The following DIS3 variants were observed in gnomAD, a reference collection of about 807,000 sequenced individuals.
DIS3 encodes exosome complex exonuclease RRP44.
Under a neutral mutation model 113.0 loss-of-function variants are expected in DIS3, and 103 were observed. That is an observed-to-expected ratio of 0.91 (90% CI 0.78 to 1.07). DIS3 has a LOEUF of 1.07. DIS3 is among the 50% of genes least tolerant of loss of function. The pLI is 0.00. For synonymous variants in DIS3, 402 were observed against 394.3 expected, an observed-to-expected ratio of 1.02 and a Z score of -0.23; for missense variants, 1,121 against 1,167.1, an observed-to-expected ratio of 0.96 and a Z score of 0.58.
At chr13:72,763,193 CAGGAGGCTGAGGCGGG>C (rs2033667214) in intron 16 of DIS3, among the ~76,000 whole-genome samples, 1 of 152,130 alleles carries the variant, frequency 6.6e-6, no homozygotes, top group South Asian at 2.1e-4. Flanking sequence ...CCCAGCTCCT[CAGGAGGCTGAGGCGGG>C]AGGATGGCTT....
intron 15 of DIS3, among the ~76,000 whole-genome samples, chr13:72,765,546 C>T (rs1450446672): frequency 6.6e-6 from 1 of 152,134 alleles, no homozygotes; most frequent in Non-Finnish European, 1.5e-5. Context: ...ACACAGTTCA[C>T]AATAGGACTG....
At position 72,768,884 on chromosome 13, in the gene DIS3, A is replaced by AACTG. The variant is rs1241199345; in HGVS notation, c.1780_1783dup (p.Leu595SerfsTer5). ...ATTCATGTTTGCTGAATCAATTCTCAACTGAGCTTCAGCATACGTCAGAGA... is the reference window on the plus strand; with the variant it reads ...ATTCATGTTTGCTGAATCAATTCTCAACTGACTGAGCTTCAGCATACGTCAGAGA... On this transcript the variant is annotated frameshift_variant, in exon 14 of 21. Coordinates refer to ENST00000377767, the MANE Select transcript of DIS3 (RefSeq NM_014953.5). LOFTEE classifies it high-confidence loss of function. 1.9e-6 allele frequency: 3 copies of AACTG among 1,602,308 alleles called. No homozygotes were observed. In the Admixed American group the frequency reaches 5.0e-5, roughly 27 times the overall value.
At chr13:72,774,679 T>C (rs939186113) in intron 6 of DIS3, among the ~76,000 whole-genome samples, 5 of 152,090 alleles carry the variant, frequency 3.3e-5, no homozygotes, top group Non-Finnish European at 5.9e-5. Context: ...ATTCCAACTA[T>C]TTATAATATT....
rs1399734309 is a variant in DIS3 at position 72,754,996 on chromosome 13, T to A, written c.*4799A>T. 4 of 596,230 alleles carry A rather than the reference T, an allele frequency of 6.7e-6. No individual in the cohort carries two copies. In the East Asian group the frequency reaches 1.2e-4, roughly 18 times the overall value. 36.9% of individuals were successfully genotyped at this position (596,230 alleles called of 1,614,324 possible). Reference sequence around the variant, plus strand: ...CTCAAAGTGTTGGGATGCTTTTTGATGCAGAATATTGATTTATAAAATACT... The same window carrying A: ...CTCAAAGTGTTGGGATGCTTTTTGAAGCAGAATATTGATTTATAAAATACT... On this transcript the variant is annotated 3_prime_UTR_variant, in exon 21 of 21. Transcript: ENST00000377767.
Position 72,768,818 on chromosome 13 carries a change from G to C in DIS3, c.1850C>G (p.Ala617Gly). Residue 617 changes from alanine (A) to glycine (G), a missense_variant, in exon 14 of 21, where the codon GCC becomes GGC. Physicochemically the swap from Ala to Gly is moderately conservative, Grantham distance 60. Around this residue, in one of 3 missense-constraint regions of DIS3, gnomAD observed 861 missense variants for 915.5 expected, o/e 0.94. Transcript: ENST00000377767. ...AATCCTTCTTTTCTTCAGAATTTTG[G>C]CTAGTTTATTCAGTCCACGGAGACT... ...TTSLRGLNKL[A>G]KILKKRRIEK... 6.2e-7 allele frequency: 1 copy of C among 1,602,618 alleles called. No individual in the cohort carries two copies. The highest frequency in any genetic ancestry group is 8.5e-7 in the Non-Finnish European group (1 of 1,174,074).
chr13:72,760,397 A>C, intron 20 of DIS3, 132 bp downstream of exon 20: 33 of 1,016,310 alleles, frequency 3.2e-5, no homozygotes, highest in Non-Finnish European at 4.4e-5. Flanking sequence ...AGGATTTGCT[A>C]TGCAAATATT....
rs1417584571 is a variant in DIS3 at position 72,777,430 on chromosome 13, G to GACAA, written c.640_643dup (p.Ser215PhefsTer3). 6.2e-7 allele frequency: 1 copy of GACAA among 1,613,874 alleles called. No individual in the cohort carries two copies. The highest frequency in any genetic ancestry group is 1.7e-5 in the Admixed American group (1 of 59,990). On this transcript the variant is annotated frameshift_variant, in exon 4 of 21. Coordinates refer to ENST00000377767, the MANE Select transcript of DIS3 (RefSeq NM_014953.5). LOFTEE classifies it high-confidence loss of function. ...AAAACAAAAACATACCCCTTCTTCA[G>GACAA]ACAAACAAGCAAGACGATCTATGAG...
In DIS3 at chr13:72,752,667, A is replaced by G. The variant is rs903289821; in HGVS notation, c.*7128T>C. The G allele has an allele frequency of 2.6e-5, 4 of 152,216 alleles. No homozygotes were observed. The highest frequency in any genetic ancestry group is 2.0e-4 in the Admixed American group (3 of 15,286). 9.4% of individuals were successfully genotyped at this position (152,216 alleles called of 1,614,324 possible). ...AGCAGAACAAGGCTTTTCCCCAAAA[A>G]TGTTACACATCACAAGGCTTTTGTT... On this transcript the variant is annotated 3_prime_UTR_variant, in exon 21 of 21. Transcript: ENST00000377767.
At chr13:72,771,922 G>T (rs975324835) in intron 10 of DIS3, 26 bp from the exon 11 acceptor site, 1 of 1,601,692 alleles carries the variant, frequency 6.2e-7, no homozygotes. Flanking sequence ...ATAAAAGGAT[G>T]TCAATATGCT....
At chr13:72,777,751 C>CT (rs778838613) in intron 3 of DIS3, among the ~76,000 whole-genome samples, 130 of 144,224 alleles carry the variant, frequency 9.0e-4, no homozygotes, top group Middle Eastern at 3.7e-3. Flanking sequence ...CCATGCACGG[C>CT]TTTTTTTTTT....
In DIS3 at chr13:72,773,736, C is replaced by T. The variant is rs369590515; in HGVS notation, c.1187G>A (p.Arg396Gln). 6 of 1,613,734 alleles carry T rather than the reference C, an allele frequency of 3.7e-6. No homozygotes were observed. The African/African-American group carries it at 5.3e-5, about 14-fold the overall frequency. Residue 396 changes from arginine (R) to glutamine (Q), a missense_variant, in exon 8 of 21, where the codon CGG becomes CAG. Transcript: ENST00000377767. Reference protein sequence around the residue: ...ETRQASTLEGRRIIVAIDGWP... With the variant: ...ETRQASTLEGQRIIVAIDGWP... ...ACCATCAATAGCAACAATAATTCTCCGTCCTTCTAATGTGGAAGCCTGTCT... is the reference window on the plus strand; with the variant it reads ...ACCATCAATAGCAACAATAATTCTCTGTCCTTCTAATGTGGAAGCCTGTCT...
rs1315369476 is a variant in DIS3, at chr13:72,755,484, G to A, written c.*4311C>T. 17 of 438,966 alleles carry A rather than the reference G, an allele frequency of 3.9e-5. No individual in the cohort carries two copies. Among genetic ancestry groups the A allele is most frequent in the Admixed American group, 1.2e-4 (3 of 25,196 alleles). 27.2% of individuals were successfully genotyped at this position (438,966 alleles called of 1,614,324 possible). A position where few individuals can be genotyped will look rare whatever the true frequency, so the allele number is the denominator to read the frequency against. On this transcript the variant is annotated 3_prime_UTR_variant, in exon 21 of 21. Transcript: ENST00000377767. ...ATGTGTTTAACAACAAATTGTGACAGAGCTGAGTGCTCCTATCTTACAGGG... is the reference window on the plus strand; with the variant it reads ...ATGTGTTTAACAACAAATTGTGACAAAGCTGAGTGCTCCTATCTTACAGGG...
In DIS3 at chr13:72,781,899, A is replaced by C. The variant is rs1196375795; in HGVS notation, c.-67T>G. 1 of 1,383,300 alleles carries C rather than the reference A, an allele frequency of 7.2e-7. No homozygotes were observed. The highest frequency in any genetic ancestry group is 9.6e-7 in the Non-Finnish European group (1 of 1,036,890). 85.7% of individuals were successfully genotyped at this position (1,383,300 alleles called of 1,614,324 possible). ...CCAGCAAAAGGCGTCAATCTAGAATACGCCTAACCCCGGAGGTTCTTCCCT... is the reference window on the plus strand; with the variant it reads ...CCAGCAAAAGGCGTCAATCTAGAATCCGCCTAACCCCGGAGGTTCTTCCCT... On this transcript the variant is annotated 5_prime_UTR_variant, in exon 1 of 21. Transcript: ENST00000377767.
At position 72,775,992 on chromosome 13, in the gene DIS3, C is replaced by G; in HGVS notation, c.755G>C (p.Arg252Thr). The change falls in exon 5 of 21, where the codon AGA becomes ACA. Residue 252 changes from arginine (R) to threonine (T), a missense_variant. Transcript: ENST00000377767. Reference protein sequence around the residue: ...KSGTYLQGTFRASRENYLEAT... With the variant: ...KSGTYLQGTFTASRENYLEAT... The stretch of plus-strand genomic sequence containing the variant: ...TTCCAAGTAATTTTCCCTGCTAGCT[C>G]TAAATGTTCCTTGAAGGTATGTACC... The G allele has an allele frequency of 6.2e-7, 1 of 1,611,732 alleles. No individual in the cohort carries two copies. The highest frequency in any genetic ancestry group is 2.2e-5 in the East Asian group (1 of 44,708).
In DIS3 at chr13:72,781,699, C is replaced by T. The variant is rs2034238590; in HGVS notation, c.134G>A (p.Gly45Glu). 6.4e-7 allele frequency: 1 copy of T among 1,561,726 alleles called. No individual in the cohort carries two copies. Among genetic ancestry groups the T allele is most frequent in the African/African-American group, 1.4e-5 (1 of 73,496 alleles). The change falls in exon 1 of 21, where the codon GGG (glycine) becomes GAG (glutamate). Residue 45 changes from glycine to glutamate, a missense_variant. By Grantham distance (98) the Gly-to-Glu change is moderately conservative. Coordinates refer to ENST00000377767, the MANE Select transcript of DIS3 (RefSeq NM_014953.5). ...CTGGGGCTGCGGCTCCAGGGCCGGC[C>T]CCTCGTGCGCCCCTCCACACGCTGC... ...GCAACGGAHE[G>E]PALEPQPQDP...
At chr13:72,781,055 G>T (rs1476425242) in intron 1 of DIS3, 52 bp from the exon 2 acceptor site, 2 of 1,526,938 alleles carry the variant, frequency 1.3e-6, no homozygotes, top group Admixed American at 2.0e-5. Context: ...AAATAGCTCT[G>T]TCAAACATAA....
In DIS3 at chr13:72,761,748, C is replaced by T; in HGVS notation, c.2409G>A (p.Glu803=). ...CTGCAAGCTTGTGTTTGTCTGTCAA[C>T]TCTGGATAAGTACAGTCAGCCCCAA... ...VAIGADCTYP[E]LTDKHKLADI... The change falls in exon 18 of 21, where the codon GAG becomes GAA. Residue 803 remains glutamate, a synonymous_variant. Coordinates refer to ENST00000377767, the MANE Select transcript of DIS3 (RefSeq NM_014953.5). 4 of 1,613,854 alleles carry T rather than the reference C, an allele frequency of 2.5e-6. No homozygotes were observed. Among genetic ancestry groups the T allele is most frequent in the Non-Finnish European group, 1.7e-6 (2 of 1,179,990 alleles).
intron 19 of DIS3, among the ~76,000 whole-genome samples, chr13:72,761,069 C>T (rs1351582647): frequency 6.6e-6 from 1 of 151,710 alleles, no homozygotes; most frequent in Non-Finnish European, 1.5e-5. Context: ...AAGTTCCTTC[C>T]CCGAGTTATA....
chr13:72,759,723 G>T lies in DIS3; in HGVS notation c.*72C>A. The T allele has an allele frequency of 8.5e-7, 1 of 1,171,968 alleles. No individual in the cohort carries two copies. Among genetic ancestry groups the T allele is most frequent in the Non-Finnish European group, 1.2e-6 (1 of 800,210 alleles). The allele number at this position is 1,171,968 out of a possible 1,614,324, so 72.6% of individuals were successfully genotyped here. A position where few individuals can be genotyped will look rare whatever the true frequency, so the allele number is the denominator to read the frequency against. ...GTAACAAACTGTATCACACACTTAGGCTTAGAAGTGTTCTTTCAAGTTTTT... is the reference window on the plus strand; with the variant it reads ...GTAACAAACTGTATCACACACTTAGTCTTAGAAGTGTTCTTTCAAGTTTTT... On this transcript the variant is annotated 3_prime_UTR_variant, in exon 21 of 21. Coordinates refer to ENST00000377767, the MANE Select transcript of DIS3 (RefSeq NM_014953.5).
Sources: gnomAD v4.1 joint callset for allele counts (sites outside exome capture counted in the v4.1 genomes callset) on GRCh38, gnomAD v4.1.1 for gene constraint, gnomAD v4.1.1 regional missense constraint, MANE v1.5 for transcripts, NCBI Gene and HGNC (gene_info 2026-07-23, HGNC 2026-07-21) for gene names.